The following KCNK13 variants were observed in gnomAD, a reference collection of about 807,000 sequenced individuals.
KCNK13 encodes potassium two pore domain channel subfamily K member 13.
KCNK13 carries 12 observed loss-of-function variants against 23.4 expected under a neutral mutation model. The ratio of observed to expected loss-of-function variants is 0.51; its 90% confidence interval spans 0.33 to 0.83. The LOEUF (loss-of-function observed/expected upper bound fraction) is 0.83. KCNK13 is among the 40% of genes least tolerant of loss of function. The probability of loss-of-function intolerance (pLI) is 0.02; values close to 1 mark genes in which losing one functional copy is unlikely to be tolerated. For synonymous variants in KCNK13, 231 were observed against 229.5 expected (o/e 1.01, Z -0.06); for missense variants, 463 against 556.3 (o/e 0.83, Z 1.69).
chr14:90,106,894 C>T (rs538064215), intron 1 of KCNK13, among the ~76,000 whole-genome samples: 25 of 151,862 alleles, frequency 1.6e-4, no homozygotes, highest in Non-Finnish European at 1.5e-4. Flanking sequence ...TAGTGGTGCA[C>T]GCCTAGTCCA....
chr14:90,098,003 TCA>T (rs1203953642), intron 1 of KCNK13, among the ~76,000 whole-genome samples: 2 of 152,106 alleles, frequency 1.3e-5, no homozygotes, highest in East Asian at 1.9e-4. Flanking sequence ...TCTCTCTCTC[TCA>T]GTGTTCCAGG....
intron 1 of KCNK13, among the ~76,000 whole-genome samples, chr14:90,108,926 C>T (rs780617706): frequency 1.2e-4 from 18 of 152,184 alleles, no homozygotes; most frequent in Non-Finnish European, 2.4e-4. Context: ...CCTGTAATCC[C>T]AGCACTTTGG....
At chr14:90,103,887 TTCTC>T (rs1206894405) in intron 1 of KCNK13, among the ~76,000 whole-genome samples, 1 of 152,058 alleles carries the variant, frequency 6.6e-6, no homozygotes, top group African/African-American at 2.4e-5. Context: ...TTGTTGTTGT[TTCTC>T]TCTCTCTCCT....
intron 1 of KCNK13, among the ~76,000 whole-genome samples, chr14:90,167,997 C>A (rs779103869): frequency 2.0e-5 from 3 of 152,146 alleles, no homozygotes; most frequent in Admixed American, 6.5e-5. Context: ...CAAGGCCCCA[C>A]GGTTAACCCA....
At chr14:90,155,974 C>T (rs1020625085) in intron 1 of KCNK13, among the ~76,000 whole-genome samples, 1 of 152,038 alleles carries the variant, frequency 6.6e-6, no homozygotes, top group African/African-American at 2.4e-5. Flanking sequence ...GAGGCCGAGG[C>T]AGGCAGATCA....
At chr14:90,116,738 G>A (rs2140415271) in intron 1 of KCNK13, among the ~76,000 whole-genome samples, 1 of 152,282 alleles carries the variant, frequency 6.6e-6, no homozygotes, top group East Asian at 1.9e-4. Flanking sequence ...TACCCCACGG[G>A]TCTGTGTCAC....
chr14:90,120,789 T>C (rs925854653), intron 1 of KCNK13, among the ~76,000 whole-genome samples: 1 of 152,108 alleles, frequency 6.6e-6, no homozygotes, highest in Non-Finnish European at 1.5e-5. Context: ...CAAAACACAA[T>C]CATGCCCTTT....
chr14:90,134,684 C>T (rs865980758), intron 1 of KCNK13, among the ~76,000 whole-genome samples: 1 of 152,108 alleles, frequency 6.6e-6, no homozygotes, highest in African/African-American at 2.4e-5. Context: ...TCATTTAATC[C>T]TCATACTATT....
At chr14:90,084,662 A>G (rs992213622) in intron 1 of KCNK13, among the ~76,000 whole-genome samples, 1 of 152,182 alleles carries the variant, frequency 6.6e-6, no homozygotes. Flanking sequence ...TCCCACTGCA[A>G]TGTCGAATAG....
At chr14:90,182,851 T>C (rs1755392168) in intron 1 of KCNK13, among the ~76,000 whole-genome samples, 1 of 150,930 alleles carries the variant, frequency 6.6e-6, no homozygotes, top group Non-Finnish European at 1.5e-5. Context: ...GAGAGAGGTT[T>C]GATGGTTTGA....
rs1433060426 is a variant in KCNK13 at position 90,157,719 on chromosome 14, T to C, written c.335-26392T>C. ...TGGCTTTCCTTTTTTTTTTTTTTTT[T>C]CAGACAGAGTCTTGCTCTGTCACCC... is the stretch of plus-strand genomic sequence containing the variant. On this transcript the variant is annotated intron_variant, in intron 1 of 1. Transcript: ENST00000282146. Among the ~76,000 whole-genome samples the C allele has an allele frequency of 8.0e-4, 79 of 98,590 alleles. 1 individual carries two copies. The highest frequency in any genetic ancestry group is 1.2e-3 in the Non-Finnish European group (49 of 40,278). The allele number at this position is 98,590 out of a possible 152,430, so 64.7% of individuals were successfully genotyped here.
At chr14:90,174,684 T>C (rs1297305887) in intron 1 of KCNK13, among the ~76,000 whole-genome samples, 1 of 151,972 alleles carries the variant, frequency 6.6e-6, no homozygotes, top group Non-Finnish European at 1.5e-5. Context: ...TGAGACTTCA[T>C]CTCTACAAAA....
In KCNK13 at chr14:90,101,318, C is replaced by T. The variant is rs140347748; in HGVS notation, c.334+38779C>T. Among the ~76,000 whole-genome samples the T allele has an allele frequency of 2.4e-3, 368 of 152,268 alleles. 1 individual carries two copies. The highest frequency in any genetic ancestry group is 0.011 in the South Asian group (51 of 4,820). ...TCTCTGAAATCTTGATCTGAAGTCC[C>T]AGCACGTCTCCACTCATATCTTGTC... is the stretch of plus-strand genomic sequence containing the variant. On this transcript the variant is annotated intron_variant, in intron 1 of 1. Coordinates refer to ENST00000282146, the MANE Select transcript of KCNK13 (RefSeq NM_022054.4).
intron 1 of KCNK13, among the ~76,000 whole-genome samples, chr14:90,100,595 T>C (rs1263326733): frequency 6.6e-6 from 1 of 152,210 alleles, no homozygotes; most frequent in African/African-American, 2.4e-5. Flanking sequence ...GTGGCTATTT[T>C]TATAACTTTG....
intron 1 of KCNK13, chr14:90,107,939 A>C (rs1889566502): frequency 5.4e-6 from 4 of 743,024 alleles, no homozygotes; most frequent in South Asian, 5.4e-5. Flanking sequence ...TCTAGTCACT[A>C]TGCAATAGAG....
At chr14:90,098,779 G>A (rs191901695) in intron 1 of KCNK13, among the ~76,000 whole-genome samples, 3 of 151,576 alleles carry the variant, frequency 2.0e-5, no homozygotes, top group Admixed American at 6.6e-5. Context: ...TATATTTACC[G>A]TTGAAATTAA....
intron 1 of KCNK13, among the ~76,000 whole-genome samples, chr14:90,081,146 A>G (rs180852335): frequency 1.3e-5 from 2 of 152,370 alleles, no homozygotes; most frequent in Admixed American, 1.3e-4. Flanking sequence ...GAAATTGAAA[A>G]TATGTGGTGA....
chr14:90,182,265 T>C (rs1453371426), intron 1 of KCNK13, among the ~76,000 whole-genome samples: 1 of 152,214 alleles, frequency 6.6e-6, no homozygotes. Flanking sequence ...GGTAATACAG[T>C]ATGCACACCT....
At chr14:90,135,585 C>T (rs948782879) in intron 1 of KCNK13, among the ~76,000 whole-genome samples, 23 of 152,262 alleles carry the variant, frequency 1.5e-4, no homozygotes, top group Middle Eastern at 3.4e-3. Flanking sequence ...CGTGGACAGA[C>T]GTTAGAGAGA....
Sources: allele counts gnomAD v4.1 joint callset (sites outside exome capture counted in the v4.1 genomes callset), GRCh38; gene constraint gnomAD v4.1.1; transcripts MANE v1.5; gene names NCBI Gene and HGNC (gene_info 2026-07-23, HGNC 2026-07-21).